The following EDN3 variants were observed in gnomAD, a reference collection of about 807,000 sequenced individuals.
EDN3 encodes the protein endothelin-3.
Under a neutral mutation model 21.4 loss-of-function variants are expected in EDN3, and 9 were observed. The ratio of observed to expected loss-of-function variants is 0.42; its 90% CI spans 0.25 to 0.73. The LOEUF (loss-of-function observed/expected upper bound fraction) is 0.73. Among genes scored for constraint, EDN3 ranks in the 30% least tolerant of loss-of-function variants. EDN3 has a pLI of 0.26. For missense variants in EDN3, 327 were observed against 309.4 expected (o/e 1.06, Z -0.43); for synonymous variants, 133 against 126.2 (o/e 1.05, Z -0.36).
chr20:59,312,384 G>A (rs1439784209), intron 2 of EDN3, among the ~76,000 whole-genome samples: 4 of 152,042 alleles, frequency 2.6e-5, no homozygotes, highest in Non-Finnish European at 5.9e-5. Context: ...TTAGCCATAA[G>A]TCTTGAAAAT....
At position 59,311,715 on chromosome 20, in the gene EDN3, G is replaced by T. The variant is rs550835640; in HGVS notation, c.366-9302G>T. 1.3e-4 allele frequency among the ~76,000 whole-genome samples: 19 copies of T among 150,496 alleles called. No homozygotes were observed. In the East Asian group the frequency reaches 3.7e-3, roughly 29 times the overall value. On this transcript the variant is annotated intron_variant, in intron 2 of 4. Coordinates refer to ENST00000337938, the MANE Select transcript of EDN3 (RefSeq NM_207034.3). ...TGGGAGTCTTTGTGAGCAATGTCTT[G>T]TGTGGACCTCCCGTCTCATCCAATG... is the stretch of plus-strand genomic sequence containing the variant.
chr20:59,312,835 C>A (rs995926678), intron 2 of EDN3, among the ~76,000 whole-genome samples: 3 of 152,132 alleles, frequency 2.0e-5, no homozygotes, highest in Non-Finnish European at 4.4e-5. Context: ...ACCCAGCCAG[C>A]CCTTTTGTTT....
rs577073945 is a variant in EDN3 at position 59,305,131 on chromosome 20, G to A, written c.365+3409G>A. ...TCCCAAAAGTCCATCGCCCCAAAGA[G>A]GAACCAAATTTATACTTACCCTGTC... On this transcript the variant is annotated intron_variant, in intron 2 of 4. Transcript: ENST00000337938. The surrounding 1 kb of genome is among the most constrained non-coding windows in gnomAD (Gnocchi z 4.2). Among the ~76,000 whole-genome samples the A allele has an allele frequency of 7.9e-5, 12 of 152,154 alleles. No individual in the cohort carries two copies. The highest frequency in any genetic ancestry group is 1.5e-4 in the Non-Finnish European group (10 of 68,032).
At chr20:59,313,655 C>T (rs1271701181) in intron 2 of EDN3, among the ~76,000 whole-genome samples, 1 of 152,188 alleles carries the variant, frequency 6.6e-6, no homozygotes, top group South Asian at 2.1e-4. Context: ...GATGGACTTC[C>T]CACCTTGTGG....
At chr20:59,306,352 ACTAT>A (rs1273634783) in intron 2 of EDN3, among the ~76,000 whole-genome samples, 2 of 152,114 alleles carry the variant, frequency 1.3e-5, no homozygotes, top group Non-Finnish European at 1.5e-5. Context: ...CCTGGCCATG[ACTAT>A]CTGTGTGGCC....
At chr20:59,313,344 T>C (rs1989954940) in intron 2 of EDN3, among the ~76,000 whole-genome samples, 1 of 152,194 alleles carries the variant, frequency 6.6e-6, no homozygotes, top group African/African-American at 2.4e-5. Context: ...CTGCTGTTGC[T>C]GAGCCAGGGG....
chr20:59,322,487 G>T lies in EDN3; in HGVS notation c.588+70G>T, dbSNP rs374468285. 6.9e-6 allele frequency: 11 copies of T among 1,601,770 alleles called. No homozygotes were observed. The African/African-American group carries it at 1.3e-4, about 20-fold the overall frequency. On this transcript the variant is annotated intron_variant, in intron 4 of 4. Coordinates refer to ENST00000337938, the MANE Select transcript of EDN3 (RefSeq NM_207034.3). This position sits in a 1 kb window ranked among gnomAD's most constrained non-coding sequence, Gnocchi z 4.1. ...TGACGTGTCATTCCTTCGGGGGTGG[G>T]TGGAGGGTGTTTTGAGGGGATGGCA...
rs188311678 is a variant in EDN3, at chr20:59,313,752, G to T, written c.366-7265G>T. On this transcript the variant is annotated intron_variant, in intron 2 of 4. Coordinates refer to ENST00000337938, the MANE Select transcript of EDN3 (RefSeq NM_207034.3). Reference sequence around the variant, plus strand: ...AGCAGAAGGAAAGCTATGAATTGCCGGTTCACTGTTCTGATGTTTAGGAAG... The same window carrying T: ...AGCAGAAGGAAAGCTATGAATTGCCTGTTCACTGTTCTGATGTTTAGGAAG... 3.3e-5 allele frequency among the ~76,000 whole-genome samples: 5 copies of T among 152,266 alleles called. No homozygotes were observed. In the East Asian group the frequency reaches 7.7e-4, roughly 24 times the overall value.
At chr20:59,315,382 C>T (rs1187962610) in intron 2 of EDN3, among the ~76,000 whole-genome samples, 1 of 152,246 alleles carries the variant, frequency 6.6e-6, no homozygotes, top group Non-Finnish European at 1.5e-5. Flanking sequence ...AATATGTCCC[C>T]TGGGCCAAAA....
chr20:59,302,206 GCA>G (rs1989097004), intron 2 of EDN3, among the ~76,000 whole-genome samples: 1 of 152,150 alleles, frequency 6.6e-6, no homozygotes, highest in African/African-American at 2.4e-5. Context: ...GACAGAACCT[GCA>G]CAGTCCACTC....
chr20:59,324,313 C>A lies in EDN3; in HGVS notation c.589-18C>A, dbSNP rs756538873. ...ATACCTTTCTTTTTTTTTCTTTTGC[C>A]CCCTTTCCCCAAGACAGGTTGAAGT... On this transcript the variant is annotated intron_variant, in intron 4 of 4. Transcript: ENST00000337938. The A allele has an allele frequency of 2.5e-6, 4 of 1,613,532 alleles. No homozygotes were observed. Among genetic ancestry groups the A allele is most frequent in the Non-Finnish European group, 2.5e-6 (3 of 1,179,846 alleles).
At chr20:59,321,999 C>G (rs947410591) in intron 3 of EDN3, among the ~76,000 whole-genome samples, 2 of 152,164 alleles carry the variant, frequency 1.3e-5, no homozygotes, top group African/African-American at 4.8e-5. Context: ...CTGGAGCAGG[C>G]GTAGGTGAGC....
At chr20:59,300,902 C>A (rs1282235066) in intron 1 of EDN3, 38 bp downstream of exon 1, 1 of 1,604,932 alleles carries the variant, frequency 6.2e-7, no homozygotes. Flanking sequence ...CTGGCGCGAG[C>A]GCACACAAAA....
chr20:59,319,826 C>G (rs992940641), intron 2 of EDN3, among the ~76,000 whole-genome samples: 11 of 151,956 alleles, frequency 7.2e-5, no homozygotes, highest in Admixed American at 7.2e-4. Context: ...ATAATTGGTA[C>G]TACTCAGTGG....
At position 59,300,637 on chromosome 20, in the gene EDN3, A is replaced by G; in HGVS notation, c.-176A>G. The G allele has an allele frequency of 1.6e-6, 1 of 642,166 alleles. No homozygotes were observed. Among genetic ancestry groups the G allele is most frequent in the Non-Finnish European group, 2.7e-6 (1 of 374,492 alleles). The allele number at this position is 642,166 out of a possible 1,614,324, so 39.8% of individuals were successfully genotyped here. A position where few individuals can be genotyped will look rare whatever the true frequency, so the allele number is the denominator to read the frequency against. On this transcript the variant is annotated 5_prime_UTR_variant, in exon 1 of 5. Transcript: ENST00000337938. ...CGCAGGGATGGGCAGCGCGCTCTGA[A>G]AGTTTATGACCGCCGCAGCCAACTC...
At position 59,324,276 on chromosome 20, in the gene EDN3, C is replaced by T. The variant is rs926092698; in HGVS notation, c.589-55C>T. 3.7e-6 allele frequency: 6 copies of T among 1,611,692 alleles called. No individual in the cohort carries two copies. In the African/African-American group the frequency reaches 5.3e-5, roughly 14 times the overall value. On this transcript the variant is annotated intron_variant, in intron 4 of 4. Coordinates refer to ENST00000337938, the MANE Select transcript of EDN3 (RefSeq NM_207034.3). ...TCAGCTTCACAGAACTACAGAGCTA[C>T]ACTTTCATAACATACCTTTCTTTTT...
In EDN3 at chr20:59,324,935, G is replaced by A. The variant is rs1292701180; in HGVS notation, c.*476G>A. 2.7e-5 allele frequency: 6 copies of A among 220,574 alleles called. No homozygotes were observed. The highest frequency in any genetic ancestry group is 1.6e-4 in the South Asian group (2 of 12,630). The allele number at this position is 220,574 out of a possible 1,614,324, so 13.7% of individuals were successfully genotyped here. A position where few individuals can be genotyped will look rare whatever the true frequency, so the allele number is the denominator to read the frequency against. On this transcript the variant is annotated 3_prime_UTR_variant, in exon 5 of 5. Coordinates refer to ENST00000337938, the MANE Select transcript of EDN3 (RefSeq NM_207034.3). ...ATGTCAGTGAGGGCCACGAGGCGTC[G>A]GCTTTAGACACAGATCATAGCTCTA...
At position 59,304,416 on chromosome 20, in the gene EDN3, C is replaced by T. The variant is rs11570269; in HGVS notation, c.365+2694C>T. ...TCATGGACTGGTCTCCCTCTCCAAA[C>T]TTCTCCACCAGGTGTGATTTCTCCC... On this transcript the variant is annotated intron_variant, in intron 2 of 4. Coordinates refer to ENST00000337938, the MANE Select transcript of EDN3 (RefSeq NM_207034.3). Among the ~76,000 whole-genome samples the T allele has an allele frequency of 4.8e-3, 728 of 152,340 alleles. 13 individuals carry two copies. Among genetic ancestry groups the T allele is most frequent in the African/African-American group, 0.016 (662 of 41,574 alleles).
chr20:59,323,695 T>C, intron 4 of EDN3: 1 of 400,554 alleles, frequency 2.5e-6, no homozygotes, highest in Non-Finnish European at 4.4e-6. Context: ...GGAGGAGCCA[T>C]AGGGATGAGT....
Sources: gnomAD v4.1 joint callset for allele counts (sites outside exome capture counted in the v4.1 genomes callset) on GRCh38, gnomAD v4.1.1 for gene constraint, Gnocchi (gnomAD v3.1) non-coding constraint, MANE v1.5 for transcripts, NCBI Gene and HGNC (gene_info 2026-07-23, HGNC 2026-07-21) for gene names.